The following LRBA variants were observed in gnomAD, a reference collection of about 807,000 sequenced individuals.
The protein encoded by LRBA is LPS responsive beige-like anchor protein.
A neutral mutation model predicts 330.0 loss-of-function variants in LRBA; 176 were observed. The ratio of observed to expected loss-of-function variants is 0.53; its 90% CI spans 0.47 to 0.60. The LOEUF is 0.60. Ranked by LOEUF, LRBA falls within the 20% of genes least tolerant of loss-of-function variation. LRBA has a pLI of 0.00. For synonymous variants in LRBA, 1,230 were observed against 1,193.0 expected (o/e 1.03, Z -0.64); for missense variants, 3,259 against 3,444.8 (o/e 0.95, Z 1.35).
At chr4:150,670,565 G>T (rs1207102922) in intron 37 of LRBA, among the ~76,000 whole-genome samples, 1 of 152,196 alleles carries the variant, frequency 6.6e-6, no homozygotes, top group African/African-American at 2.4e-5. Context: ...TTAACAAATG[G>T]CATACAGAAA....
At chr4:150,489,521 A>T (rs1399587680) in intron 41 of LRBA, among the ~76,000 whole-genome samples, 1 of 100,448 alleles carries the variant, frequency 1.0e-5, no homozygotes, top group African/African-American at 4.4e-5. Flanking sequence ...TATAATATAT[A>T]AGAATACATA....
At chr4:150,728,136 T>C (rs995925002) in intron 36 of LRBA, among the ~76,000 whole-genome samples, 4 of 152,088 alleles carry the variant, frequency 2.6e-5, no homozygotes, top group Non-Finnish European at 5.9e-5. Context: ...CCTAGATACA[T>C]AAACCTACCA....
At chr4:150,849,057 G>T in intron 25 of LRBA, 59 bp from the exon 26 acceptor site, 1 of 1,159,660 alleles carries the variant, frequency 8.6e-7, no homozygotes, top group Non-Finnish European at 1.2e-6. Context: ...AATTTTACCA[G>T]ATATAGTCCT....
intron 40 of LRBA, among the ~76,000 whole-genome samples, chr4:150,557,120 T>C (rs7699721): frequency 0.087 from 13,261 of 152,128 alleles, 907 homozygotes; most frequent in East Asian, 0.18. Flanking sequence ...CCTCTTGCCA[T>C]GTCAGAAAGT....
chr4:150,385,763 T>TAAGACTAAGGATGCC (rs768279603), intron 47 of LRBA, among the ~76,000 whole-genome samples: 44 of 152,146 alleles, frequency 2.9e-4, no homozygotes, highest in South Asian at 1.0e-3. Flanking sequence ...AGGAGAGGTT[T>TAAGACTAAGGATGCC]AAGACTAAGG....
chr4:150,633,439 T>A (rs780817047), intron 37 of LRBA, among the ~76,000 whole-genome samples: 1 of 152,252 alleles, frequency 6.6e-6, no homozygotes, highest in Non-Finnish European at 1.5e-5. Flanking sequence ...GACACACTAC[T>A]GAATAGTTGT....
intron 46 of LRBA, among the ~76,000 whole-genome samples, chr4:150,427,992 G>T (rs1749867704): frequency 6.6e-6 from 1 of 151,908 alleles, no homozygotes; most frequent in Admixed American, 6.6e-5. Flanking sequence ...GTAAAGGGAA[G>T]TCAAAGGTCT....
intron 31 of LRBA, among the ~76,000 whole-genome samples, chr4:150,809,924 CG>C (rs1747496354): frequency 1.3e-5 from 2 of 150,096 alleles, no homozygotes; most frequent in Non-Finnish European, 2.9e-5. Context: ...CGATACGATA[CG>C]ATACGATACT....
intron 36 of LRBA, among the ~76,000 whole-genome samples, chr4:150,722,875 C>T (rs1280625840): frequency 4.6e-5 from 7 of 152,060 alleles, no homozygotes; most frequent in East Asian, 3.9e-4. Context: ...TGGCCATGCA[C>T]TGCAGACAGA....
At position 150,906,414 on chromosome 4, in the gene LRBA, T is replaced by G. The variant is rs758157432; in HGVS notation, c.1494-9A>C. 4 of 1,473,106 alleles carry G rather than the reference T, an allele frequency of 2.7e-6. No individual in the cohort carries two copies. The highest frequency in any genetic ancestry group is 3.8e-6 in the Non-Finnish European group (4 of 1,056,436). The allele number at this position is 1,473,106 out of a possible 1,614,324, so 91.3% of individuals were successfully genotyped here. A position where few individuals can be genotyped will look rare whatever the true frequency, so the allele number is the denominator to read the frequency against. ...AGGCCAGCAAGGTTGAACTAGAATT[T>G]TTTAAAAAGGCGATGATTAAAAAAA... On this transcript the variant is annotated splice_polypyrimidine_tract_variant and intron_variant, in intron 11 of 56. Coordinates refer to ENST00000651943, the MANE Select transcript of LRBA (RefSeq NM_001364905.1).
At chr4:150,719,783 AC>A (rs1728688481) in intron 36 of LRBA, among the ~76,000 whole-genome samples, 1 of 152,160 alleles carries the variant, frequency 6.6e-6, no homozygotes. Context: ...AGAAAAACTT[AC>A]AGAACAAATA....
chr4:150,737,233 A>C (rs1008734634), intron 35 of LRBA, among the ~76,000 whole-genome samples: 1 of 151,900 alleles, frequency 6.6e-6, no homozygotes. Context: ...CAACCAACCA[A>C]CCACCTAAGA....
At chr4:150,921,345 A>T (rs760510256) in intron 4 of LRBA, 52 bp from the exon 5 acceptor site, 1 of 1,051,854 alleles carries the variant, frequency 9.5e-7, no homozygotes. Flanking sequence ...ATAAGATAAA[A>T]AAAACACATC....
rs781383684 is a variant in LRBA, at chr4:150,872,715, T to A, written c.2206A>T (p.Arg736Trp). 35 of 1,607,904 alleles carry A rather than the reference T, an allele frequency of 2.2e-5. No individual in the cohort carries two copies. In the South Asian group the frequency reaches 3.9e-4, roughly 18 times the overall value. ...CCCATTGCCTTAAGAGCTTGTACCCTGATTCCTTCACTTTTCGATGCCAGA... is the reference window on the plus strand; with the variant it reads ...CCCATTGCCTTAAGAGCTTGTACCCAGATTCCTTCACTTTTCGATGCCAGA... ...KLLASKSEGI[R>W]VQALKAMGYF... The change falls in exon 18 of 57, where the codon AGG becomes TGG. Residue 736 changes from arginine to tryptophan, a missense_variant. Physicochemically the swap from Arg to Trp is moderately radical, Grantham distance 101. Coordinates refer to ENST00000651943, the MANE Select transcript of LRBA (RefSeq NM_001364905.1).
At chr4:150,373,072 C>T (rs113841887) in intron 47 of LRBA, among the ~76,000 whole-genome samples, 2 of 151,230 alleles carry the variant, frequency 1.3e-5, no homozygotes, top group African/African-American at 2.4e-5. Context: ...ATTCCACCCT[C>T]GGTCATACAT....
At chr4:150,409,542 C>T (rs1746659678) in intron 47 of LRBA, among the ~76,000 whole-genome samples, 1 of 152,006 alleles carries the variant, frequency 6.6e-6, no homozygotes, top group Non-Finnish European at 1.5e-5. Context: ...ATTACTATAG[C>T]TTTATAATAA....
intron 40 of LRBA, among the ~76,000 whole-genome samples, chr4:150,500,419 T>C (rs887842898): frequency 1.3e-5 from 2 of 151,756 alleles, no homozygotes; most frequent in African/African-American, 4.8e-5. Flanking sequence ...CTACTAAAAA[T>C]ACAAAAAATT....
At chr4:150,799,745 C>CAT (rs557610105) in intron 33 of LRBA, among the ~76,000 whole-genome samples, 14 of 152,082 alleles carry the variant, frequency 9.2e-5, no homozygotes, top group East Asian at 1.9e-4. Flanking sequence ...CATACATATA[C>CAT]ATATATATAT....
chr4:150,501,626 T>C (rs1341188234), intron 40 of LRBA, among the ~76,000 whole-genome samples: 4 of 150,900 alleles, frequency 2.7e-5, no homozygotes, highest in African/African-American at 7.3e-5. Context: ...GTATCTACAA[T>C]CTAAGATTCT....
Sources: gnomAD v4.1 joint callset for allele counts (sites outside exome capture counted in the v4.1 genomes callset) on GRCh38, gnomAD v4.1.1 for gene constraint, MANE v1.5 for transcripts, NCBI Gene and HGNC (gene_info 2026-07-23, HGNC 2026-07-21) for gene names.